Variants in PLXDC2 observed in about 807,000 individuals in gnomAD.
PLXDC2 encodes the protein plexin domain containing 2.
Under a neutral mutation model 68.9 loss-of-function variants are expected in PLXDC2, and 40 were observed. The observed-to-expected ratio is 0.58, with a 90% CI of 0.45 to 0.76. PLXDC2 has a LOEUF of 0.76. PLXDC2 is among the 30% of genes least tolerant of loss of function. PLXDC2 has a pLI of 0.00. For synonymous variants in PLXDC2, 243 were observed against 234.2 expected (o/e 1.04, Z -0.34); for missense variants, 644 against 661.9 (o/e 0.97, Z 0.30).
intron 1 of PLXDC2, among the ~76,000 whole-genome samples, chr10:19,838,900 C>T (rs1050156597): frequency 6.6e-6 from 1 of 152,100 alleles, no homozygotes; most frequent in Non-Finnish European, 1.5e-5. Context: ...GATTACTGCT[C>T]TGGGGCCAGG....
chr10:20,113,798 C>G (rs1045394245), intron 4 of PLXDC2, among the ~76,000 whole-genome samples: 1 of 152,086 alleles, frequency 6.6e-6, no homozygotes, highest in Admixed American at 6.5e-5. Context: ...AAAACATTCT[C>G]CTTAATGTGG....
chr10:20,199,046 C>CTCAATAGTTAAAAATCCAG (rs1368356578), intron 9 of PLXDC2, among the ~76,000 whole-genome samples: 13 of 151,764 alleles, frequency 8.6e-5, no homozygotes, highest in Non-Finnish European at 1.8e-4. Context: ...ATTTTAAAAC[C>CTCAATAGTTAAAAATCCAG]TCAATAGTTA....
intron 2 of PLXDC2, among the ~76,000 whole-genome samples, chr10:20,012,786 A>T (rs1376324503): frequency 2.6e-5 from 4 of 152,200 alleles, no homozygotes; most frequent in Admixed American, 2.6e-4. Context: ...GAATGAAAAG[A>T]GACTGCCTTA....
At chr10:20,150,938 G>A (rs984677428) in intron 6 of PLXDC2, among the ~76,000 whole-genome samples, 1 of 152,098 alleles carries the variant, frequency 6.6e-6, no homozygotes, top group Non-Finnish European at 1.5e-5. Context: ...AAGATGACAG[G>A]CAAATTTAAT....
At position 20,279,991 on chromosome 10, in the gene PLXDC2, A is replaced by G. The variant is rs1223836534; in HGVS notation, c.*172A>G. On this transcript the variant is annotated 3_prime_UTR_variant, in exon 14 of 14. Coordinates refer to ENST00000377252, the MANE Select transcript of PLXDC2 (RefSeq NM_032812.9). ...TCAGCCCAGGAAACAAAGGGTAAACAAAAAACTAAAACTTATACAAGATAC... is the reference window on the plus strand; with the variant it reads ...TCAGCCCAGGAAACAAAGGGTAAACGAAAAACTAAAACTTATACAAGATAC... The G allele has an allele frequency of 5.2e-6, 3 of 582,192 alleles. No homozygotes were observed. The highest frequency in any genetic ancestry group is 2.3e-5 in the South Asian group (1 of 44,218). 36.1% of individuals were successfully genotyped at this position (582,192 alleles called of 1,614,324 possible). A position where few individuals can be genotyped will look rare whatever the true frequency, so the allele number is the denominator to read the frequency against.
chr10:19,819,863 C>A (rs191424079), intron 1 of PLXDC2, among the ~76,000 whole-genome samples: 80 of 152,270 alleles, frequency 5.3e-4, no homozygotes, highest in Non-Finnish European at 1.0e-4. Flanking sequence ...ACTAAAGTTT[C>A]TGTTTACATA....
chr10:20,033,713 A>C (rs1222209736), intron 2 of PLXDC2, among the ~76,000 whole-genome samples: 3 of 152,186 alleles, frequency 2.0e-5, no homozygotes, highest in Non-Finnish European at 4.4e-5. Flanking sequence ...ATTCACCCCC[A>C]TGATTCAATT....
chr10:19,883,238 A>G (rs1176286593), intron 1 of PLXDC2, among the ~76,000 whole-genome samples: 1 of 152,100 alleles, frequency 6.6e-6, no homozygotes, highest in Non-Finnish European at 1.5e-5. Flanking sequence ...CTGGGATTAC[A>G]GGCGTGAGCC....
chr10:20,026,743 T>C (rs1407870952), intron 2 of PLXDC2, among the ~76,000 whole-genome samples: 1 of 151,188 alleles, frequency 6.6e-6, no homozygotes, highest in Non-Finnish European at 1.5e-5. Context: ...AAACTAAATA[T>C]AATCTCTTTC....
At chr10:19,984,470 T>C (rs1280810403) in intron 1 of PLXDC2, among the ~76,000 whole-genome samples, 1 of 152,160 alleles carries the variant, frequency 6.6e-6, no homozygotes, top group East Asian at 1.9e-4. Context: ...CACTTGAAAA[T>C]TTGTCTCAGA....
intron 1 of PLXDC2, among the ~76,000 whole-genome samples, chr10:19,909,428 A>G (rs867587695): frequency 1.4e-4 from 22 of 152,312 alleles, no homozygotes; most frequent in Middle Eastern, 3.4e-3. Context: ...AAAGAGATTA[A>G]TAAGGCTTTT....
intron 1 of PLXDC2, among the ~76,000 whole-genome samples, chr10:19,976,493 G>A (rs559276311): frequency 6.8e-4 from 103 of 152,276 alleles, no homozygotes; most frequent in African/African-American, 2.4e-3. Context: ...GATTACAGGC[G>A]TGAGCCACTG....
chr10:19,822,765 A>AT lies in PLXDC2; in HGVS notation c.112+5582dup, dbSNP rs371837273. 3.2e-3 allele frequency among the ~76,000 whole-genome samples: 481 copies of AT among 151,828 alleles called. 11 individuals are homozygous for AT. The East Asian group carries it at 0.057, about 18-fold the overall frequency. ...GGACCATGTCATATGCCTGTTGGCCATTTTTTTTGTCTTCTTTGGAGAAAT... is the reference window on the plus strand; with the variant it reads ...GGACCATGTCATATGCCTGTTGGCCATTTTTTTTTGTCTTCTTTGGAGAAAT... On this transcript the variant is annotated intron_variant, in intron 1 of 13. Transcript: ENST00000377252.
intron 6 of PLXDC2, among the ~76,000 whole-genome samples, chr10:20,162,934 AGCTG>A (rs1428976743): frequency 7.3e-6 from 1 of 136,242 alleles, no homozygotes; most frequent in Non-Finnish European, 1.6e-5. Context: ...AAAAAAATCC[AGCTG>A]GGTGTGGTGA....
chr10:19,867,242 T>C (rs1312715230), intron 1 of PLXDC2, among the ~76,000 whole-genome samples: 1 of 151,978 alleles, frequency 6.6e-6, no homozygotes, highest in East Asian at 1.9e-4. Flanking sequence ...ATTTTGTATT[T>C]TTGGTGGAGA....
At chr10:19,984,934 G>T (rs781678738) in intron 1 of PLXDC2, among the ~76,000 whole-genome samples, 9 of 152,164 alleles carry the variant, frequency 5.9e-5, no homozygotes, top group Non-Finnish European at 1.2e-4. Context: ...AATTTCGGTT[G>T]TATAACAGCT....
chr10:19,897,588 G>A (rs1838082246), intron 1 of PLXDC2, among the ~76,000 whole-genome samples: 1 of 152,044 alleles, frequency 6.6e-6, no homozygotes, highest in African/African-American at 2.4e-5. Context: ...AGCAGTTTAG[G>A]GAACAGAAAA....
At chr10:19,976,370 C>T (rs982719552) in intron 1 of PLXDC2, among the ~76,000 whole-genome samples, 1 of 152,030 alleles carries the variant, frequency 6.6e-6, no homozygotes, top group African/African-American at 2.4e-5. Context: ...CCTGCCACCA[C>T]ACCCGGCTAA....
chr10:20,107,050 G>T (rs913977778), intron 4 of PLXDC2, among the ~76,000 whole-genome samples: 1 of 147,344 alleles, frequency 6.8e-6, no homozygotes, highest in Non-Finnish European at 1.5e-5. Flanking sequence ...TATATAGTAT[G>T]TATATACACT....
Sources: gnomAD v4.1 joint callset for allele counts (sites outside exome capture counted in the v4.1 genomes callset) on GRCh38, gnomAD v4.1.1 for gene constraint, MANE v1.5 for transcripts, NCBI Gene and HGNC (gene_info 2026-07-23, HGNC 2026-07-21) for gene names.